CASZ1: variants seen among roughly 807,000 people sequenced by gnomAD.
The protein encoded by CASZ1 is zinc finger protein castor homolog 1.
Under a neutral mutation model 135.2 loss-of-function variants are expected in CASZ1, and 28 were observed. That is an observed-to-expected ratio of 0.21 (90% CI 0.15 to 0.28). The LOEUF (loss-of-function observed/expected upper bound fraction) is 0.28. Ranked by LOEUF, CASZ1 falls within the 10% of genes least tolerant of loss-of-function variation. The pLI is 1.00. For missense variants in CASZ1, 2,161 were observed against 2,453.3 expected (o/e 0.88, Z 2.52); for synonymous variants, 1,068 against 1,073.4 (o/e 0.99, Z 0.10).
intron 5 of CASZ1, 161 bp from the exon 6 acceptor site, chr1:10,660,697 ACT>A (rs1642994819): frequency 1.7e-6 from 1 of 580,344 alleles, no homozygotes; most frequent in Admixed American, 3.4e-5. Context: ...AGGTTTTACG[ACT>A]CTTAAATTAA....
rs553371194 is a variant in CASZ1, at chr1:10,701,341, C to T, written c.-24+4151G>A. ...CTCCATGTGCAGCAGACCGTGAATT[C>T]ACCTTCATACTAGTTACAGGGTTAT... On this transcript the variant is annotated intron_variant, in intron 3 of 20. Coordinates refer to ENST00000377022, the MANE Select transcript of CASZ1 (RefSeq NM_001079843.3). This position sits in a 1 kb window ranked among gnomAD's most constrained non-coding sequence, Gnocchi z 6.3. Among the ~76,000 whole-genome samples the T allele has an allele frequency of 6.6e-6, 1 of 152,336 alleles. No homozygotes were observed. Among genetic ancestry groups the T allele is most frequent in the East Asian group, 1.9e-4 (1 of 5,188 alleles).
intron 2 of CASZ1, among the ~76,000 whole-genome samples, chr1:10,712,764 G>A (rs916369532): frequency 6.6e-6 from 1 of 152,222 alleles, no homozygotes; most frequent in East Asian, 1.9e-4. Context: ...GCGGGCTGCC[G>A]TTCCCGGCAC....
At position 10,658,517 on chromosome 1, in the gene CASZ1, T is replaced by C; in HGVS notation, c.1400A>G (p.Tyr467Cys). 1 of 1,613,884 alleles carries C rather than the reference T, an allele frequency of 6.2e-7. No homozygotes were observed. Among genetic ancestry groups the C allele is most frequent in the Non-Finnish European group, 8.5e-7 (1 of 1,179,848 alleles). Reference sequence around the variant, plus strand: ...CTCCCCAGGGGCCTACCTGGCAATATATTTCTGGTAAATGTTTACATCTTC... The same window carrying C: ...CTCCCCAGGGGCCTACCTGGCAATACATTTCTGGTAAATGTTTACATCTTC... The part of the protein sequence containing the change: ...VTEDVNIYQK[Y>C]IARFSGSQHC... Residue 467 changes from tyrosine (Y) to cysteine (C), a missense_variant, in exon 7 of 21, where the codon TAT becomes TGT. This residue lies in a region of CASZ1 where 248 missense variants were observed against 410.8 expected (regional missense o/e 0.60). Coordinates refer to ENST00000377022, the MANE Select transcript of CASZ1 (RefSeq NM_001079843.3).
At chr1:10,795,709 G>C (rs1229784225) in intron 1 of CASZ1, among the ~76,000 whole-genome samples, 1 of 152,234 alleles carries the variant, frequency 6.6e-6, no homozygotes, top group Non-Finnish European at 1.5e-5. Flanking sequence ...GGGGAGGCAG[G>C]GGGTGGGGTG....
At chr1:10,744,362 T>C (rs112048151) in intron 2 of CASZ1, among the ~76,000 whole-genome samples, 2,830 of 147,820 alleles carry the variant, frequency 0.019, 67 homozygotes, top group African/African-American at 0.069. Context: ...CGAGCAGGCA[T>C]GTCCTGGGCA....
intron 4 of CASZ1, among the ~76,000 whole-genome samples, chr1:10,691,110 T>C (rs1638753767): frequency 6.6e-6 from 1 of 151,838 alleles, no homozygotes; most frequent in Non-Finnish European, 1.5e-5. Flanking sequence ...TCTTTCCTTT[T>C]TTTTTTATTA....
At position 10,693,908 on chromosome 1, in the gene CASZ1, A is replaced by G; in HGVS notation, c.-19T>C. 6.2e-6 allele frequency: 10 copies of G among 1,613,078 alleles called. No homozygotes were observed. Among genetic ancestry groups the G allele is most frequent in the Non-Finnish European group, 8.5e-6 (10 of 1,179,466 alleles). The stretch of plus-strand genomic sequence containing the variant: ...GATCCATTCTCTTCTCCTTGGTCCC[A>G]AACTCTTCGCAGAACGCCACCAGGG... On this transcript the variant is annotated 5_prime_UTR_variant, in exon 4 of 21. Coordinates refer to ENST00000377022, the MANE Select transcript of CASZ1 (RefSeq NM_001079843.3).
At chr1:10,678,731 G>A (rs1046045203) in intron 4 of CASZ1, among the ~76,000 whole-genome samples, 1 of 152,182 alleles carries the variant, frequency 6.6e-6, no homozygotes, top group African/African-American at 2.4e-5. Context: ...CGGGAGGGGG[G>A]AGGGCAGAGG....
rs1642674548 is a variant in CASZ1, at chr1:10,653,602, T to C, written c.2455A>G (p.Ser819Gly). ...CCAGACGACACGGCACCCAGGAGGC[T>C]GGGGGTGCCCACAGGCAGGGAGGTG... Reference protein sequence around the residue: ...GSTSLPVGTPSLLGAVSSGSA... With the variant: ...GSTSLPVGTPGLLGAVSSGSA... The change falls in exon 11 of 21, where the codon AGC becomes GGC. Residue 819 changes from serine to glycine, a missense_variant. Ser to Gly is a moderately conservative substitution (Grantham distance 56). Around this residue, in one of 7 missense-constraint regions of CASZ1, gnomAD observed 406 missense variants for 387.6 expected, o/e 1.05. Coordinates refer to ENST00000377022, the MANE Select transcript of CASZ1 (RefSeq NM_001079843.3). The C allele has an allele frequency of 1.3e-6, 2 of 1,555,094 alleles. No homozygotes were observed. The highest frequency in any genetic ancestry group is 1.8e-5 in the Admixed American group (1 of 54,530).
intron 4 of CASZ1, among the ~76,000 whole-genome samples, chr1:10,682,758 G>A (rs1186528460): frequency 6.6e-6 from 1 of 152,180 alleles, no homozygotes; most frequent in East Asian, 1.9e-4. Flanking sequence ...CCTGCCTAGG[G>A]GCTCTTCAGC....
chr1:10,779,859 C>T (rs1231660140), intron 1 of CASZ1, among the ~76,000 whole-genome samples: 1 of 152,242 alleles, frequency 6.6e-6, no homozygotes, highest in Non-Finnish European at 1.5e-5. Flanking sequence ...GGGGAGAACT[C>T]TCTCGGAATT....
rs1024256187 is a variant in CASZ1, at chr1:10,640,069, G to A, written c.4163-10C>T. The A allele has an allele frequency of 1.3e-6, 2 of 1,599,640 alleles. No individual in the cohort carries two copies. The highest frequency in any genetic ancestry group is 1.1e-5 in the South Asian group (1 of 90,556). On this transcript the variant is annotated splice_polypyrimidine_tract_variant and intron_variant, in intron 20 of 20. Coordinates refer to ENST00000377022, the MANE Select transcript of CASZ1 (RefSeq NM_001079843.3). ...ATAGAGATGGTGTTCCCTGGGGAGG[G>A]GCAGGGAGGTCAGTGCAGAAGAGGG...
At position 10,709,813 on chromosome 1, in the gene CASZ1, C is replaced by T. The variant is rs943542758; in HGVS notation, c.-76-4269G>A. Among the ~76,000 whole-genome samples the T allele has an allele frequency of 7.2e-5, 11 of 152,282 alleles. No homozygotes were observed. Among genetic ancestry groups the T allele is most frequent in the African/African-American group, 2.4e-4 (10 of 41,550 alleles). On this transcript the variant is annotated intron_variant, in intron 2 of 20. Coordinates refer to ENST00000377022, the MANE Select transcript of CASZ1 (RefSeq NM_001079843.3). This position sits in a 1 kb window ranked among gnomAD's most constrained non-coding sequence, Gnocchi z 5.1. ...CAAAACGGAAAGGTCAGAGGAAGCC[C>T]GGAACTTTTACACAGCAGTTAGCAG...
rs1639036798 is a variant in CASZ1, at chr1:10,700,367, G to T, written c.-24+5125C>A. Reference sequence around the variant, plus strand: ...CCTCCCTTCTAGGAGCAGGGCTGGGGAGAAGCCAAGGGAGGGGTCCCAGGA... The same window carrying T: ...CCTCCCTTCTAGGAGCAGGGCTGGGTAGAAGCCAAGGGAGGGGTCCCAGGA... On this transcript the variant is annotated intron_variant, in intron 3 of 20. Coordinates refer to ENST00000377022, the MANE Select transcript of CASZ1 (RefSeq NM_001079843.3). The surrounding 1 kb of genome is among the most constrained non-coding windows in gnomAD (Gnocchi z 4.2). 6.6e-6 allele frequency among the ~76,000 whole-genome samples: 1 copy of T among 152,354 alleles called. No homozygotes were observed. The highest frequency in any genetic ancestry group is 1.9e-4 in the East Asian group (1 of 5,190).
At position 10,788,002 on chromosome 1, in the gene CASZ1, C is replaced by T. The variant is rs982169947; in HGVS notation, c.-234+8562G>A. Among the ~76,000 whole-genome samples, 1 of 152,198 alleles carries T rather than the reference C, an allele frequency of 6.6e-6. No homozygotes were observed. Among genetic ancestry groups the T allele is most frequent in the Non-Finnish European group, 1.5e-5 (1 of 68,038 alleles). On this transcript the variant is annotated intron_variant, in intron 1 of 20. Transcript: ENST00000377022. The surrounding 1 kb of genome is among the most constrained non-coding windows in gnomAD (Gnocchi z 4.1). ...TGAATTGTGCTATTCTCCATGCTGA[C>T]ATCTCTCCACAGAGCAAACTATCCA...
chr1:10,715,342 G>A (rs1360159464), intron 2 of CASZ1, among the ~76,000 whole-genome samples: 2 of 152,094 alleles, frequency 1.3e-5, no homozygotes, highest in Non-Finnish European at 2.9e-5. Context: ...AAGCAGTCCT[G>A]TACCCGCGCT....
Position 10,653,416 on chromosome 1 carries a change from C to T in CASZ1, c.2641G>A (p.Ala881Thr). 6.2e-7 allele frequency: 1 copy of T among 1,613,346 alleles called. No individual in the cohort carries two copies. Among genetic ancestry groups the T allele is most frequent in the Non-Finnish European group, 8.5e-7 (1 of 1,180,022 alleles). ...GLISPMMARL[A>T]AAALKPSATF... is the part of the protein sequence containing the mutation. ...GCAGAGGGCTTGAGGGCAGCTGCAG[C>T]CAGCCTGGCCATCATGGGCGAGATG... The change falls in exon 11 of 21, where the codon GCT (alanine) becomes ACT (threonine). Residue 881 changes from alanine (A) to threonine (T), a missense_variant. By Grantham distance (58) the Ala-to-Thr change is moderately conservative. Transcript: ENST00000377022.
chr1:10,765,399 A>AC (rs1193792631), intron 1 of CASZ1, among the ~76,000 whole-genome samples: 2 of 152,042 alleles, frequency 1.3e-5, no homozygotes, highest in Non-Finnish European at 2.9e-5. Flanking sequence ...GGAAAAAAAA[A>AC]AAACAATAAA....
At chr1:10,715,866 T>G (rs1967811) in intron 2 of CASZ1, among the ~76,000 whole-genome samples, 6,010 of 59,458 alleles carry the variant, frequency 0.1, 986 homozygotes, top group East Asian at 0.38. Flanking sequence ...CACCCAATCC[T>G]CTCCCGGCAG....
Sources: gnomAD v4.1 joint callset for allele counts (sites outside exome capture counted in the v4.1 genomes callset) on GRCh38, gnomAD v4.1.1 for gene constraint, gnomAD v4.1.1 regional missense constraint, Gnocchi (gnomAD v3.1) non-coding constraint, MANE v1.5 for transcripts, NCBI Gene and HGNC (gene_info 2026-07-23, HGNC 2026-07-21) for gene names.